Variants in TSBP1 observed in about 807,000 individuals in gnomAD.
TSBP1 encodes the protein testis-expressed basic protein 1.
Under a neutral mutation model 68.8 loss-of-function variants are expected in TSBP1, and 56 were observed. The ratio of observed to expected loss-of-function variants is 0.81; its 90% CI spans 0.66 to 1.02. The LOEUF (loss-of-function observed/expected upper bound fraction) is 1.02, where lower values mean the gene tolerates loss of function less well. TSBP1 is among the 50% of genes least tolerant of loss of function. The pLI, the probability that TSBP1 is intolerant of heterozygous loss-of-function variation, is 0.00. For missense variants in TSBP1, 502 were observed against 641.2 expected (o/e 0.78, Z 2.34); for synonymous variants, 171 against 208.7 (o/e 0.82, Z 1.56).
At position 32,304,675 on chromosome 6, in the gene TSBP1, T is replaced by A. The variant is rs1372832661; in HGVS notation, c.581-2046A>T. Among the ~76,000 whole-genome samples the A allele has an allele frequency of 6.6e-6, 1 of 152,186 alleles. No individual in the cohort carries two copies. The highest frequency in any genetic ancestry group is 1.5e-5 in the Non-Finnish European group (1 of 68,036). Reference sequence around the variant, plus strand: ...AATTTATGTTCTCTCTTCATCGTCTTTTTTGTCTTTTCATGTTTTCTCTTC... The same window carrying A: ...AATTTATGTTCTCTCTTCATCGTCTATTTTGTCTTTTCATGTTTTCTCTTC... On this transcript the variant is annotated intron_variant, in intron 19 of 22. Transcript: ENST00000612031. The surrounding 1 kb of genome is among the most constrained non-coding windows in gnomAD (Gnocchi z 4.8).
intron 18 of TSBP1, among the ~76,000 whole-genome samples, chr6:32,320,557 C>A (rs1201356892): frequency 6.6e-6 from 1 of 152,030 alleles, no homozygotes; most frequent in Non-Finnish European, 1.5e-5. Flanking sequence ...CTCACTGTTC[C>A]CACCAAGAGC....
chr6:32,310,157 C>A (rs9268197), intron 19 of TSBP1, among the ~76,000 whole-genome samples: 30,976 of 152,000 alleles, frequency 0.2, 3,320 homozygotes, highest in Non-Finnish European at 0.22. Context: ...CTAGTGTTAA[C>A]ATGATTTTTT....
intron 8 of TSBP1, among the ~76,000 whole-genome samples, chr6:32,350,595 A>C (rs1260396644): frequency 6.6e-6 from 1 of 152,226 alleles, no homozygotes; most frequent in African/African-American, 2.4e-5. Context: ...CACCAGCAGA[A>C]ATCAAGGCCA....
chr6:32,294,175 G>T, intron 22 of TSBP1, 140 bp from the exon 26 acceptor site: 1 of 889,870 alleles, frequency 1.1e-6, no homozygotes, highest in Non-Finnish European at 1.8e-6. Context: ...TATCTAAAAT[G>T]ATGGTTCTCT....
In TSBP1 at chr6:32,319,862, C is replaced by T. The variant is rs548091677; in HGVS notation, c.559+3255G>A. Among the ~76,000 whole-genome samples, 3 of 152,012 alleles carry T rather than the reference C, an allele frequency of 2.0e-5. No homozygotes were observed. In the South Asian group the frequency reaches 6.3e-4, roughly 32 times the overall value. ...AGTGCTTAGGATAATGCCTGGCCTA[C>T]AATAGGCCAATATATATTTGTTGAA... On this transcript the variant is annotated intron_variant, in intron 18 of 22. Coordinates refer to ENST00000612031, the Ensembl canonical transcript of TSBP1.
At position 32,338,908 on chromosome 6, in the gene TSBP1, A is replaced by AGTGT; in HGVS notation, c.409+67_409+70dup. ...AGAAATAAAAAAATCTAGGAATATG[A>AGTGT]GTGTCTTACATATTCTAACAGTTTA... is the stretch of plus-strand genomic sequence containing the variant. On this transcript the variant is annotated intron_variant, in intron 11 of 22. Coordinates refer to ENST00000612031, the Ensembl canonical transcript of TSBP1. The surrounding 1 kb of genome is among the most constrained non-coding windows in gnomAD (Gnocchi z 5.5). The AGTGT allele has an allele frequency of 8.9e-7, 1 of 1,123,056 alleles. No homozygotes were observed. The highest frequency in any genetic ancestry group is 1.4e-6 in the Non-Finnish European group (1 of 734,206). The allele number at this position is 1,123,056 out of a possible 1,614,324, so 69.6% of individuals were successfully genotyped here.
At chr6:32,299,078 G>C (rs1765010206) in intron 22 of TSBP1, among the ~76,000 whole-genome samples, 1 of 152,210 alleles carries the variant, frequency 6.6e-6, no homozygotes, top group Non-Finnish European at 1.5e-5. Flanking sequence ...TTGTGATTCA[G>C]TATAGGAGGC....
chr6:32,307,711 C>T, intron 19 of TSBP1, among the ~76,000 whole-genome samples: 1 of 150,298 alleles, frequency 6.7e-6, no homozygotes. Context: ...AAGCTCACAA[C>T]TTTCACTTAT....
At chr6:32,308,232 T>C (rs9268181) in intron 19 of TSBP1, among the ~76,000 whole-genome samples, 31,739 of 151,662 alleles carry the variant, frequency 0.21, 3,469 homozygotes, top group East Asian at 0.22. Flanking sequence ...CATCTGAGAG[T>C]TTCTAGCTTT....
chr6:32,349,823 AT>A lies in TSBP1; in HGVS notation c.265del (p.Met89TrpfsTer16). The A allele has an allele frequency of 6.3e-7, 1 of 1,585,904 alleles. No individual in the cohort carries two copies. Among genetic ancestry groups the A allele is most frequent in the Non-Finnish European group, 8.7e-7 (1 of 1,155,414 alleles). On this transcript the variant is annotated frameshift_variant, in exon 9 of 23. Transcript: ENST00000612031. LOFTEE classifies it high-confidence loss of function. ...TTGTCCCAGGGAGAACTTAGATGCC[AT>A]AGACACTATATTGCAGAAAGGTTGT...
intron 6 of TSBP1, among the ~76,000 whole-genome samples, chr6:32,363,225 C>T (rs2894250): frequency 0.63 from 95,381 of 151,790 alleles, 30,230 homozygotes; most frequent in East Asian, 0.77. Context: ...GGAGCATCTT[C>T]TTTTCATCCC....
At chr6:32,354,109 G>A (rs1772003157) in intron 8 of TSBP1, among the ~76,000 whole-genome samples, 1 of 151,918 alleles carries the variant, frequency 6.6e-6, no homozygotes, top group Non-Finnish European at 1.5e-5. Context: ...GGGAGAGTGA[G>A]TAGAGGCCTT....
intron 21 of TSBP1, 113 bp from the exon 25 acceptor site, chr6:32,300,049 C>CAACTTAGAAACAGGACTTGGAGGACG (rs148523044): frequency 1.2e-6 from 1 of 838,808 alleles, no homozygotes; most frequent in Non-Finnish European, 2.0e-6. Context: ...GGAGGGAGCA[C>CAACTTAGAAACAGGACTTGGAGGACG]AAAACTCTGT....
At chr6:32,367,052 C>T (rs1032500639) in intron 4 of TSBP1, among the ~76,000 whole-genome samples, 4 of 148,452 alleles carry the variant, frequency 2.7e-5, no homozygotes, top group South Asian at 2.1e-4. Flanking sequence ...ATGCTTGTAG[C>T]GTGTGTGTGT....
At chr6:32,323,559 CAG>C (rs762918960) in intron 17 of TSBP1, 30 bp downstream of exon 18, 3 of 1,605,714 alleles carry the variant, frequency 1.9e-6, no homozygotes, top group Non-Finnish European at 2.6e-6. Context: ...AGAACAACAA[CAG>C]AAAAGAGTAG....
At chr6:32,339,795 G>A (rs946909285) in intron 9 of TSBP1, among the ~76,000 whole-genome samples, 157 bp from the exon 11 acceptor site, 4 of 152,162 alleles carry the variant, frequency 2.6e-5, no homozygotes, top group Non-Finnish European at 5.9e-5. Flanking sequence ...CTCTAGCTCT[G>A]TGATTTTGGG....
At chr6:32,312,293 C>A (rs1017164320) in intron 19 of TSBP1, among the ~76,000 whole-genome samples, 1 of 152,162 alleles carries the variant, frequency 6.6e-6, no homozygotes, top group African/African-American at 2.4e-5. Context: ...TCCATCCTCT[C>A]AGCCTCAACA....
At chr6:32,329,962 G>T (rs943128059) in intron 16 of TSBP1, among the ~76,000 whole-genome samples, 18 of 152,090 alleles carry the variant, frequency 1.2e-4, no homozygotes, top group African/African-American at 4.3e-4. Context: ...GTAAATTACA[G>T]CCCAATTACT....
intron 6 of TSBP1, 109 bp from the exon 7 acceptor site, chr6:32,355,778 G>T: frequency 7.5e-7 from 1 of 1,332,162 alleles, no homozygotes; most frequent in Non-Finnish European, 9.9e-7. Flanking sequence ...ATCCAGTTAG[G>T]CAAGAAACTG....
Sources: gnomAD v4.1 joint callset for allele counts (sites outside exome capture counted in the v4.1 genomes callset) on GRCh38, gnomAD v4.1.1 for gene constraint, Gnocchi (gnomAD v3.1) non-coding constraint, MANE v1.5 for transcripts, NCBI Gene and HGNC (gene_info 2026-07-23, HGNC 2026-07-21) for gene names.